Variants in COL4A2 observed in about 807,000 individuals in gnomAD.
COL4A2 encodes collagen alpha-2(IV) chain.
A neutral mutation model predicts 200.2 loss-of-function variants in COL4A2; 99 were observed. The observed-to-expected ratio is 0.49, with a 90% CI of 0.42 to 0.58. The LOEUF is 0.58. COL4A2 is among the 20% of genes least tolerant of loss of function. The pLI, the probability that COL4A2 is intolerant of heterozygous loss-of-function variation, is 0.00. For missense variants in COL4A2, 1,950 were observed against 2,314.1 expected (o/e 0.84, Z 3.23); for synonymous variants, 897 against 900.6 (o/e 1.00, Z 0.07).
intron 4 of COL4A2, among the ~76,000 whole-genome samples, chr13:110,411,349 G>T (rs532142768): frequency 8.5e-5 from 13 of 152,342 alleles, no homozygotes; most frequent in Admixed American, 1.3e-4. Context: ...CAACGAATCT[G>T]TTCAGAGAAG....
At chr13:110,340,204 G>A (rs1012664471) in intron 3 of COL4A2, among the ~76,000 whole-genome samples, 9 of 152,054 alleles carry the variant, frequency 5.9e-5, no homozygotes, top group Admixed American at 2.0e-4. Context: ...TGCAGCCTCC[G>A]CCTCCTGGGT....
intron 4 of COL4A2, among the ~76,000 whole-genome samples, chr13:110,387,692 C>G (rs1049802172): frequency 6.6e-6 from 1 of 152,214 alleles, no homozygotes; most frequent in Non-Finnish European, 1.5e-5. Context: ...CACCTCAGCC[C>G]GGAGACTCGG....
chr13:110,505,452 A>G (rs1358853120), intron 45 of COL4A2, among the ~76,000 whole-genome samples: 1 of 152,152 alleles, frequency 6.6e-6, no homozygotes, highest in Non-Finnish European at 1.5e-5. Flanking sequence ...CCGGCAAATT[A>G]TGGGTAGTGT....
At chr13:110,313,475 C>T (rs1294092881) in intron 3 of COL4A2, among the ~76,000 whole-genome samples, 1 of 151,424 alleles carries the variant, frequency 6.6e-6, no homozygotes, top group Admixed American at 6.6e-5. Context: ...CCCGGTGCCC[C>T]GCGTCCACCC....
chr13:110,323,569 G>A lies in COL4A2; in HGVS notation c.99+15446G>A, dbSNP rs190878900. Among the ~76,000 whole-genome samples, 317 of 152,360 alleles carry A rather than the reference G, an allele frequency of 2.1e-3. 1 individual carries two copies. Among genetic ancestry groups the A allele is most frequent in the African/African-American group, 7.3e-3 (305 of 41,586 alleles). On this transcript the variant is annotated intron_variant, in intron 3 of 47. Transcript: ENST00000360467. ...CTCTCCTAGACAGACAGAGCATGCA[G>A]GATGCCCAGTGCCAGCTTCCCCTAC...
At chr13:110,378,898 T>A (rs1294886538) in intron 4 of COL4A2, among the ~76,000 whole-genome samples, 6 of 152,226 alleles carry the variant, frequency 3.9e-5, no homozygotes, top group Middle Eastern at 6.8e-3. Context: ...GTGGACACAG[T>A]CATGAATGGA....
At chr13:110,506,257 A>ACT (rs10558706) in intron 45 of COL4A2, among the ~76,000 whole-genome samples, 158 bp from the exon 46 acceptor site, 66 of 117,490 alleles carry the variant, frequency 5.6e-4, no homozygotes, top group African/African-American at 2.1e-3. Flanking sequence ...CAGGCCGTCC[A>ACT]CTCTCTCTCT....
At chr13:110,478,654 C>G (rs1324319213) in intron 30 of COL4A2, among the ~76,000 whole-genome samples, 1 of 152,162 alleles carries the variant, frequency 6.6e-6, no homozygotes, top group Non-Finnish European at 1.5e-5. Flanking sequence ...ATGGGCATTG[C>G]CCACCACTGC....
intron 4 of COL4A2, among the ~76,000 whole-genome samples, chr13:110,372,578 A>C (rs1045041943): frequency 7.9e-5 from 12 of 152,194 alleles, no homozygotes; most frequent in African/African-American, 2.9e-4. Context: ...TATTTCTGGA[A>C]GGCAGGCAAG....
rs12428960 is a variant in COL4A2 at position 110,498,478 on chromosome 13, G to A, written c.3760+3011G>A. Among the ~76,000 whole-genome samples, 478 of 152,248 alleles carry A rather than the reference G, an allele frequency of 3.1e-3. 7 individuals carry two copies. The highest frequency in any genetic ancestry group is 0.028 in the East Asian group (144 of 5,176). ...CAGGGTGCACACAGTGGCCCATAGA[G>A]GGGGGTCACAGAACACAGCTGCTAG... On this transcript the variant is annotated intron_variant, in intron 40 of 47. Transcript: ENST00000360467.
intron 3 of COL4A2, among the ~76,000 whole-genome samples, chr13:110,323,679 C>G (rs1003924008): frequency 6.6e-6 from 1 of 152,292 alleles, no homozygotes; most frequent in East Asian, 1.9e-4. Context: ...CTCCTCCACA[C>G]CAAATCTAAG....
At position 110,447,474 on chromosome 13, in the gene COL4A2, A is replaced by T. The variant is rs534947129; in HGVS notation, c.1078+610A>T. ...ATCTTGTTATTAAGGCTCGGCTTCC[A>T]AATTGGCGAGATCATATGGAAATCT... is the stretch of plus-strand genomic sequence containing the variant. On this transcript the variant is annotated intron_variant, in intron 18 of 47. Coordinates refer to ENST00000360467, the MANE Select transcript of COL4A2 (RefSeq NM_001846.4). 1.6e-4 allele frequency among the ~76,000 whole-genome samples: 24 copies of T among 152,280 alleles called. No individual in the cohort carries two copies. In the South Asian group the frequency reaches 4.4e-3, roughly 28 times the overall value.
intron 3 of COL4A2, among the ~76,000 whole-genome samples, chr13:110,348,272 G>A (rs1876801852): frequency 6.6e-6 from 1 of 152,208 alleles, no homozygotes; most frequent in Non-Finnish European, 1.5e-5. Flanking sequence ...TCTTGAGCTG[G>A]TGACTAGTTC....
chr13:110,336,882 G>A (rs556100294), intron 3 of COL4A2, among the ~76,000 whole-genome samples: 6 of 152,156 alleles, frequency 3.9e-5, no homozygotes, highest in Non-Finnish European at 8.8e-5. Context: ...ATTCAGCCTG[G>A]GGCTGGCATC....
Position 110,307,969 on chromosome 13 carries a change from C to T in COL4A2, c.44+22C>T. On this transcript the variant is annotated intron_variant, in intron 2 of 47. Transcript: ENST00000360467. The surrounding 1 kb of genome is among the most constrained non-coding windows in gnomAD (Gnocchi z 5.0). ...GGCGGTAAGCGACTTTCTGCCTGGT[C>T]CCCGTGGGTCACGCGCGCATGGACC... The T allele has an allele frequency of 6.2e-7, 1 of 1,612,212 alleles. No individual in the cohort carries two copies. The highest frequency in any genetic ancestry group is 8.5e-7 in the Non-Finnish European group (1 of 1,179,332).
intron 6 of COL4A2, among the ~76,000 whole-genome samples, chr13:110,426,717 A>G (rs1265034681): frequency 1.3e-5 from 2 of 152,270 alleles, no homozygotes; most frequent in African/African-American, 4.8e-5. Flanking sequence ...TGCAATTTCA[A>G]ATAGATCAGT....
At chr13:110,434,333 G>A (rs895745405) in intron 11 of COL4A2, 68 bp from the exon 12 acceptor site, 103 of 1,503,544 alleles carry the variant, frequency 6.9e-5, no homozygotes, top group Non-Finnish European at 9.0e-5. Flanking sequence ...CTTTTTCTAA[G>A]AAAAATAATT....
At chr13:110,420,567 T>C (rs1880209930) in intron 4 of COL4A2, among the ~76,000 whole-genome samples, 1 of 152,228 alleles carries the variant, frequency 6.6e-6, no homozygotes, top group South Asian at 2.1e-4. Context: ...TGCAAAGACA[T>C]TTAAACTAGA....
chr13:110,335,336 G>C (rs1876129309), intron 3 of COL4A2, among the ~76,000 whole-genome samples: 1 of 152,106 alleles, frequency 6.6e-6, no homozygotes, highest in Non-Finnish European at 1.5e-5. Flanking sequence ...TTTTGAAAGG[G>C]ACCCAGTGGG....
Sources: allele counts gnomAD v4.1 joint callset (sites outside exome capture counted in the v4.1 genomes callset), GRCh38; gene constraint gnomAD v4.1.1; non-coding constraint Gnocchi (gnomAD v3.1); transcripts MANE v1.5; gene names NCBI Gene and HGNC (gene_info 2026-07-23, HGNC 2026-07-21).